Variants in HTR2C observed in about 807,000 individuals in gnomAD.
HTR2C encodes the protein 5-hydroxytryptamine receptor 2C.
HTR2C carries 5 observed loss-of-function variants against 21.0 expected under a neutral mutation model. The observed-to-expected ratio is 0.24, with a 90% CI of 0.12 to 0.50. The LOEUF is 0.50. Ranked by LOEUF, HTR2C falls within the 20% of genes least tolerant of loss-of-function variation. HTR2C has a pLI of 0.98. For missense variants in HTR2C, 271 were observed against 371.2 expected (o/e 0.73, Z 2.22); for synonymous variants, 150 against 145.3 (o/e 1.03, Z -0.23).
intron 4 of HTR2C, among the ~76,000 whole-genome samples, chrX:114,815,703 G>A (rs1286351343): frequency 2.7e-5 from 3 of 111,340 alleles, no homozygotes; most frequent in African/African-American, 9.8e-5. Flanking sequence ...AGAGGAGAAA[G>A]TATAGTATAT....
At position 114,888,160 on chromosome X, in the gene HTR2C, T is replaced by C. The variant is rs189834731; in HGVS notation, c.551-18429T>C. 7.8e-4 allele frequency among the ~76,000 whole-genome samples: 88 copies of C among 112,165 alleles called. 1 individual carries two copies. Among genetic ancestry groups the C allele is most frequent in the African/African-American group, 2.7e-3 (84 of 30,917 alleles). Reference sequence around the variant, plus strand: ...ACTAGTTTATCTGTGGATCTCTTTGTATTTTTCCAACTTTTAGTTAATTGA... The same window carrying C: ...ACTAGTTTATCTGTGGATCTCTTTGCATTTTTCCAACTTTTAGTTAATTGA... On this transcript the variant is annotated intron_variant, in intron 5 of 5. Coordinates refer to ENST00000276198, the MANE Select transcript of HTR2C (RefSeq NM_000868.4).
At chrX:114,875,432 T>G (rs1369704776) in intron 5 of HTR2C, among the ~76,000 whole-genome samples, 1 of 112,043 alleles carries the variant, frequency 8.9e-6, no homozygotes, top group Non-Finnish European at 1.9e-5. Context: ...TTGTTTATTT[T>G]TGCTTATTTA....
chrX:114,830,634 AT>A (rs781847107), intron 4 of HTR2C, among the ~76,000 whole-genome samples: 52 of 95,865 alleles, frequency 5.4e-4, no homozygotes, highest in African/African-American at 8.3e-4. Context: ...ATTTTATTTT[AT>A]TTTTTTTAAG....
chrX:114,766,479 C>T (rs782107732), intron 4 of HTR2C, among the ~76,000 whole-genome samples: 1 of 111,088 alleles, frequency 9.0e-6, no homozygotes, highest in African/African-American at 3.3e-5. Context: ...AGAAAACTTG[C>T]TTAGAATGAA....
intron 1 of HTR2C, among the ~76,000 whole-genome samples, chrX:114,594,589 T>A (rs1454404584): frequency 9.0e-6 from 1 of 111,524 alleles, no homozygotes; most frequent in Admixed American, 9.5e-5. Flanking sequence ...GTAAAGAACA[T>A]TGGAGATACT....
intron 4 of HTR2C, among the ~76,000 whole-genome samples, chrX:114,806,064 C>CACCATATAT (rs2070424323): frequency 1.1e-5 from 1 of 87,361 alleles, no homozygotes; most frequent in Non-Finnish European, 2.2e-5. Context: ...ACCATATATA[C>CACCATATAT]ACCATATATA....
intron 4 of HTR2C, among the ~76,000 whole-genome samples, chrX:114,771,096 C>G (rs782670163): frequency 9.0e-6 from 1 of 111,558 alleles, no homozygotes; most frequent in South Asian, 3.7e-4. Context: ...ACCACCATGC[C>G]TGGCATACTT....
intron 2 of HTR2C, among the ~76,000 whole-genome samples, chrX:114,683,330 A>G (rs781844038): frequency 9.0e-6 from 1 of 111,657 alleles, no homozygotes; most frequent in East Asian, 2.8e-4. Flanking sequence ...AAACAAACAC[A>G]TTCATACACA....
chrX:114,727,309 C>G (rs1368653017), intron 3 of HTR2C, among the ~76,000 whole-genome samples: 2 of 111,466 alleles, frequency 1.8e-5, no homozygotes, highest in East Asian at 2.8e-4. Context: ...CTTGCATGAA[C>G]TGAACAGTTA....
intron 4 of HTR2C, among the ~76,000 whole-genome samples, chrX:114,745,262 A>G (rs1556425899): frequency 8.9e-6 from 1 of 112,547 alleles, no homozygotes; most frequent in Admixed American, 9.4e-5. Context: ...ATCTCGCCCC[A>G]GTTAAAATGA....
intron 2 of HTR2C, among the ~76,000 whole-genome samples, chrX:114,672,632 A>G (rs1556411962): frequency 8.9e-6 from 1 of 111,792 alleles, no homozygotes; most frequent in Non-Finnish European, 1.9e-5. Context: ...GTAATTATAT[A>G]CCTAGCTGTA....
At chrX:114,796,213 C>T (rs1208397893) in intron 4 of HTR2C, among the ~76,000 whole-genome samples, 1 of 111,333 alleles carries the variant, frequency 9.0e-6, no homozygotes, top group African/African-American at 3.3e-5. Flanking sequence ...AATTCTAATT[C>T]ACATAAAGAT....
At chrX:114,794,218 T>C (rs1299777629) in intron 4 of HTR2C, among the ~76,000 whole-genome samples, 1 of 111,390 alleles carries the variant, frequency 9.0e-6, no homozygotes, top group African/African-American at 3.3e-5. Flanking sequence ...AGATGTGTTC[T>C]TTGTTGCTTG....
intron 4 of HTR2C, among the ~76,000 whole-genome samples, chrX:114,822,049 G>A (rs2070639050): frequency 9.1e-6 from 1 of 110,248 alleles, no homozygotes; most frequent in Admixed American, 9.7e-5. Flanking sequence ...GTTTCGCCAT[G>A]TTGGCCAGGC....
At chrX:114,700,876 G>A (rs371032115) in intron 2 of HTR2C, among the ~76,000 whole-genome samples, 114 of 112,345 alleles carry the variant, frequency 1.0e-3, no homozygotes, top group Admixed American at 5.1e-3. Flanking sequence ...CTTTTCCGAC[G>A]GGCTTAAAAA....
intron 5 of HTR2C, among the ~76,000 whole-genome samples, chrX:114,895,099 G>T (rs2071286407): frequency 9.0e-6 from 1 of 111,591 alleles, no homozygotes; most frequent in Admixed American, 9.5e-5. Context: ...ATCTCAGAAA[G>T]GGAGGAAAGA....
intron 2 of HTR2C, among the ~76,000 whole-genome samples, chrX:114,627,250 C>A (rs1929416755): frequency 9.0e-6 from 1 of 110,947 alleles, no homozygotes; most frequent in African/African-American, 3.3e-5. Flanking sequence ...ATAGAAGAGT[C>A]CAGAACTAGT....
chrX:114,727,579 G>T (rs1252079378), intron 3 of HTR2C, among the ~76,000 whole-genome samples: 1 of 111,671 alleles, frequency 9.0e-6, no homozygotes, highest in African/African-American at 3.3e-5. Context: ...GAAAAATGTT[G>T]GTTTCTTCCG....
At chrX:114,759,369 C>T (rs1602752041) in intron 4 of HTR2C, among the ~76,000 whole-genome samples, 2 of 111,345 alleles carry the variant, frequency 1.8e-5, no homozygotes, top group South Asian at 7.5e-4. Flanking sequence ...TTTACTAGAT[C>T]TTCATTTATT....
Sources: gnomAD v4.1 joint callset for allele counts (sites outside exome capture counted in the v4.1 genomes callset) on GRCh38, gnomAD v4.1.1 for gene constraint, MANE v1.5 for transcripts, NCBI Gene and HGNC (gene_info 2026-07-23, HGNC 2026-07-21) for gene names.